Variants in MADCAM1 observed in about 807,000 individuals in gnomAD.
MADCAM1 encodes mucosal addressin cell adhesion molecule 1.
A neutral mutation model predicts 26.1 loss-of-function variants in MADCAM1; 19 were observed. The ratio of observed to expected loss-of-function variants is 0.73; its 90% confidence interval spans 0.51 to 1.07. The LOEUF is 1.07. Ranked by LOEUF, MADCAM1 falls within the 50% of genes least tolerant of loss-of-function variation. MADCAM1 has a pLI of 0.00. For missense variants in MADCAM1, 514 were observed against 542.1 expected (o/e 0.95, Z 0.51); for synonymous variants, 268 against 260.9 (o/e 1.03, Z -0.26).
At chr19:501,998 CTT>C (rs1978371582) in intron 4 of MADCAM1, 69 bp downstream of exon 4, 1 of 1,387,164 alleles carries the variant, frequency 7.2e-7, no homozygotes. Context: ...TGGATGAAGA[CTT>C]TAGACAAGAA....
intron 4 of MADCAM1, among the ~76,000 whole-genome samples, chr19:502,842 T>A (rs754690572): frequency 6.6e-6 from 1 of 152,230 alleles, no homozygotes; most frequent in Non-Finnish European, 1.5e-5. Context: ...ATCACACTCT[T>A]AAACTGATAC....
chr19:501,885 T>C lies in MADCAM1; in HGVS notation c.884T>C (p.Ile295Thr), dbSNP rs1978365313. The C allele has an allele frequency of 6.5e-7, 1 of 1,527,758 alleles. No homozygotes were observed. The highest frequency in any genetic ancestry group is 1.4e-5 in the African/African-American group (1 of 71,854). 94.6% of individuals were successfully genotyped at this position (1,527,758 alleles called of 1,614,324 possible). A position where few individuals can be genotyped will look rare whatever the true frequency, so the allele number is the denominator to read the frequency against. ...TCCACCAGGACTCGCCGCCCTGAGA[T>C]CTCCCAGGCTGGGCCCACGCAGGGA... ...PGSTRTRRPEISQAGPTQGEV... is the reference protein window; with the variant it reads ...PGSTRTRRPETSQAGPTQGEV... The change falls in exon 4 of 5, where the codon ATC becomes ACC. Residue 295 changes from isoleucine to threonine, a missense_variant. Physicochemically the swap from Ile to Thr is moderately conservative, Grantham distance 89 (BLOSUM62 -1). Transcript: ENST00000215637.
Position 504,784 on chromosome 19 carries a change from G to A in MADCAM1, c.968G>A (p.Trp323Ter). 6.2e-7 allele frequency: 1 copy of A among 1,610,916 alleles called. No individual in the cohort carries two copies. Among genetic ancestry groups the A allele is most frequent in the Non-Finnish European group, 8.5e-7 (1 of 1,178,232 alleles). ...PAGDQLPAAL[W>*]TSSAVLGLLL... Reference sequence around the variant, plus strand: ...GGTGACCAGCTGCCCGCGGCTCTGTGGACCAGCAGTGCGGTGCTGGGACTG... The same window carrying A: ...GGTGACCAGCTGCCCGCGGCTCTGTAGACCAGCAGTGCGGTGCTGGGACTG... The change falls in exon 5 of 5, where the codon TGG (tryptophan) becomes TAG (stop). Residue 323 changes from tryptophan to a stop codon, truncating the protein, a stop_gained. Transcript: ENST00000215637. LOFTEE classifies it low-confidence loss of function (END_TRUNC).
intron 3 of MADCAM1, chr19:499,241 C>G (rs1317536321): frequency 2.1e-6 from 1 of 470,694 alleles, no homozygotes; most frequent in South Asian, 1.5e-5. Flanking sequence ...CTTTGCACGG[C>G]TGTGCCCTCT....
At chr19:503,853 G>T (rs1221235417) in intron 4 of MADCAM1, among the ~76,000 whole-genome samples, 1 of 152,092 alleles carries the variant, frequency 6.6e-6, no homozygotes, top group Non-Finnish European at 1.5e-5. Flanking sequence ...TTCGAGACCA[G>T]CCTGGCCAAC....
intron 1 of MADCAM1, among the ~76,000 whole-genome samples, chr19:497,089 AG>A (rs759211807): frequency 0.029 from 124 of 4,226 alleles, no homozygotes; most frequent in East Asian, 0.07. Flanking sequence ...AGGGGAGAGG[AG>A]GGGGCGCAGG....
In MADCAM1 at chr19:504,923, T is replaced by C. The variant is rs1239315654; in HGVS notation, c.1107T>C (p.Ala369=). ...TTCTGCCCCAGGTGTCGGCCTGGGC[T>C]GGGTTAAGGGGGACCGGCCAGGTCG... is the stretch of plus-strand genomic sequence containing the variant. ...LRLLPQVSAW[A]GLRGTGQVGI... Residue 369 remains alanine (A), a synonymous_variant, in exon 5 of 5, where the codon GCT becomes GCC. Transcript: ENST00000215637. The C allele has an allele frequency of 9.9e-6, 16 of 1,611,874 alleles. No homozygotes were observed. The highest frequency in any genetic ancestry group is 1.3e-5 in the Non-Finnish European group (15 of 1,179,232).
intron 3 of MADCAM1, 168 bp from the exon 4 acceptor site, chr19:501,501 A>G: frequency 3.2e-6 from 1 of 313,396 alleles, no homozygotes; most frequent in Non-Finnish European, 5.4e-6. Context: ...AAAAAAAAAA[A>G]AAAAAAAAAA....
At chr19:503,398 G>T (rs545503561) in intron 4 of MADCAM1, among the ~76,000 whole-genome samples, 4 of 151,492 alleles carry the variant, frequency 2.6e-5, no homozygotes, top group South Asian at 2.1e-4. Flanking sequence ...TGGCTAACAC[G>T]GTGAAACCCC....
chr19:503,845 C>T (rs1048762438), intron 4 of MADCAM1, among the ~76,000 whole-genome samples: 4 of 151,938 alleles, frequency 2.6e-5, no homozygotes, highest in African/African-American at 7.2e-5. Context: ...GTCAGGAGTT[C>T]GAGACCAGCC....
intron 4 of MADCAM1, among the ~76,000 whole-genome samples, chr19:504,334 G>A (rs1277717161): frequency 6.4e-5 from 9 of 141,700 alleles, no homozygotes; most frequent in Non-Finnish European, 1.4e-4. Flanking sequence ...TGCGATCTCA[G>A]CTTACTGCAA....
intron 4 of MADCAM1, 103 bp downstream of exon 4, chr19:502,032 T>G (rs1348755692): frequency 3.2e-6 from 4 of 1,232,982 alleles, no homozygotes; most frequent in Non-Finnish European, 4.3e-6. Flanking sequence ...CAGCCTTGGT[T>G]TCCCCGTCTG....
chr19:502,099 GT>G (rs952598180), intron 4 of MADCAM1, among the ~76,000 whole-genome samples, 170 bp downstream of exon 4: 1 of 151,632 alleles, frequency 6.6e-6, no homozygotes, highest in Non-Finnish European at 1.5e-5. Flanking sequence ...CCCAGCCTCG[GT>G]TTCCCCGTCT....
In MADCAM1 at chr19:498,688, G is replaced by A. The variant is rs202046094; in HGVS notation, c.530G>A (p.Gly177Glu). Residue 177 changes from glycine (G) to glutamate (E), a missense_variant, in exon 3 of 5, where the codon GGG becomes GAG. Transcript: ENST00000215637. ...CAGGAGGAGGAGGAGGAGCCCCAGG[G>A]GGACGAGGACGTGCTGTTCAGGGTG... is the stretch of plus-strand genomic sequence containing the variant. ...EVQEEEEEPQ[G>E]DEDVLFRVTE... The A allele has an allele frequency of 9.0e-6, 13 of 1,448,224 alleles. No individual in the cohort carries two copies. The East Asian group carries it at 2.1e-4, about 23-fold the overall frequency. The allele number at this position is 1,448,224 out of a possible 1,614,324, so 89.7% of individuals were successfully genotyped here.
chr19:498,697 A>C lies in MADCAM1; in HGVS notation c.539A>C (p.Asp180Ala). 1 of 1,448,028 alleles carries C rather than the reference A, an allele frequency of 6.9e-7. No homozygotes were observed. Among genetic ancestry groups the C allele is most frequent in the Non-Finnish European group, 9.1e-7 (1 of 1,104,302 alleles). The allele number at this position is 1,448,028 out of a possible 1,614,324, so 89.7% of individuals were successfully genotyped here. ...GAGGAGGAGCCCCAGGGGGACGAGG[A>C]CGTGCTGTTCAGGGTGACAGAGCGC... ...EEEEEPQGDE[D>A]VLFRVTERWR... The change falls in exon 3 of 5, where the codon GAC (aspartate) becomes GCC (alanine). Residue 180 changes from aspartate to alanine, a missense_variant. By Grantham distance (126) the Asp-to-Ala change is moderately radical (BLOSUM62 -2). Around this residue, in one of 3 missense-constraint regions of MADCAM1, gnomAD observed 317 missense variants for 313.6 expected, o/e 1.01. Transcript: ENST00000215637.
intron 3 of MADCAM1, chr19:501,409 T>G: frequency 3.0e-6 from 1 of 333,322 alleles, no homozygotes; most frequent in Non-Finnish European, 5.1e-6. Flanking sequence ...CGCTTGAACC[T>G]GAGGAGCGGA....
At chr19:500,092 G>A (rs1978312951) in intron 3 of MADCAM1, 1 of 455,976 alleles carries the variant, frequency 2.2e-6, no homozygotes, top group Non-Finnish European at 4.4e-6. Flanking sequence ...AGTCCCACAG[G>A]GGATGGAGCA....
intron 4 of MADCAM1, 74 bp from the exon 5 acceptor site, chr19:504,671 G>A: frequency 9.2e-7 from 1 of 1,081,816 alleles, no homozygotes; most frequent in East Asian, 2.4e-5. Flanking sequence ...TGTAGCCTCT[G>A]AGGGGCTCCT....
intron 4 of MADCAM1, 39 bp from the exon 5 acceptor site, chr19:504,706 G>A (rs1978523389): frequency 2.0e-6 from 3 of 1,480,470 alleles, no homozygotes; most frequent in Non-Finnish European, 2.8e-6. Context: ...GCAGAGGCCT[G>A]GAGGGCTCTG....
Sources: allele counts gnomAD v4.1 joint callset (sites outside exome capture counted in the v4.1 genomes callset), GRCh38; gene constraint gnomAD v4.1.1; regional missense constraint gnomAD v4.1.1; transcripts MANE v1.5; gene names NCBI Gene and HGNC (gene_info 2026-07-23, HGNC 2026-07-21).